DLG2: variants seen among roughly 807,000 people sequenced by gnomAD.
DLG2 encodes the protein disks large homolog 2.
A neutral mutation model predicts 132.5 loss-of-function variants in DLG2; 45 were observed. That is an observed-to-expected ratio of 0.34 (90% CI 0.27 to 0.44). The LOEUF (loss-of-function observed/expected upper bound fraction) is 0.44. Among genes scored for constraint, DLG2 ranks in the 20% least tolerant of loss-of-function variants. The pLI, the probability that DLG2 is intolerant of heterozygous loss-of-function variation, is 1.00. For synonymous variants in DLG2, 424 were observed against 419.6 expected (o/e 1.01, Z -0.13); for missense variants, 1,045 against 1,196.9 (o/e 0.87, Z 1.87).
intron 4 of DLG2, among the ~76,000 whole-genome samples, chr11:85,246,553 C>A (rs1000189798): frequency 2.2e-4 from 33 of 151,172 alleles, no homozygotes; most frequent in Non-Finnish European, 3.7e-4. Context: ...TCACCCCCTC[C>A]CTCCAGCCAC....
chr11:83,866,071 TCCC>T (rs34996514), intron 16 of DLG2, among the ~76,000 whole-genome samples: 1 of 151,664 alleles, frequency 6.6e-6, no homozygotes, highest in Admixed American at 6.6e-5. Flanking sequence ...AGCATCACAG[TCCC>T]CCCTTTTTTT....
At chr11:84,357,019 G>A (rs1355008032) in intron 7 of DLG2, among the ~76,000 whole-genome samples, 1 of 152,004 alleles carries the variant, frequency 6.6e-6, no homozygotes, top group African/African-American at 2.4e-5. Flanking sequence ...AAATGAGTGA[G>A]CAAAGAATGT....
intron 3 of DLG2, chr11:85,510,104 G>T (rs1359612258): frequency 2.0e-5 from 3 of 147,180 alleles, no homozygotes; most frequent in African/African-American, 7.5e-5. Context: ...TAGGAAGAAA[G>T]CTACCCAGGA....
At chr11:85,502,255 C>T (rs777428284) in intron 3 of DLG2, among the ~76,000 whole-genome samples, 1 of 151,622 alleles carries the variant, frequency 6.6e-6, no homozygotes, top group Admixed American at 6.6e-5. Flanking sequence ...ACATCACACA[C>T]CAGGACCTGT....
intron 4 of DLG2, among the ~76,000 whole-genome samples, chr11:85,256,311 C>T (rs997920920): frequency 2.0e-5 from 3 of 152,134 alleles, no homozygotes; most frequent in Non-Finnish European, 4.4e-5. Flanking sequence ...CACTGGATGA[C>T]CAAACTCCAG....
intron 9 of DLG2, among the ~76,000 whole-genome samples, chr11:84,111,066 A>G (rs2093323723): frequency 6.6e-6 from 1 of 152,160 alleles, no homozygotes; most frequent in Admixed American, 6.6e-5. Flanking sequence ...ATTACTGCAC[A>G]CAGCACATTG....
At chr11:83,747,322 TC>T (rs2092991292) in intron 18 of DLG2, among the ~76,000 whole-genome samples, 1 of 109,794 alleles carries the variant, frequency 9.1e-6, no homozygotes, top group African/African-American at 3.1e-5. Flanking sequence ...CTTCCTTCCT[TC>T]CTTCCTGCCT....
intron 3 of DLG2, among the ~76,000 whole-genome samples, chr11:85,475,353 T>A (rs923153799): frequency 3.3e-5 from 5 of 151,760 alleles, no homozygotes; most frequent in African/African-American, 1.2e-4. Context: ...AGAAAAAAAA[T>A]TAAATTCTAA....
chr11:84,604,270 A>T (rs2099581592), intron 6 of DLG2, among the ~76,000 whole-genome samples: 1 of 151,930 alleles, frequency 6.6e-6, no homozygotes, highest in Non-Finnish European at 1.5e-5. Flanking sequence ...ATTTTCCAGA[A>T]GTAAGAATAA....
At chr11:84,563,563 G>T (rs1375710113) in intron 6 of DLG2, among the ~76,000 whole-genome samples, 1 of 152,154 alleles carries the variant, frequency 6.6e-6, no homozygotes, top group Non-Finnish European at 1.5e-5. Context: ...CAGAGCACAG[G>T]GCAAAATGGC....
At chr11:84,949,190 C>A (rs1033411760) in intron 6 of DLG2, among the ~76,000 whole-genome samples, 9 of 152,064 alleles carry the variant, frequency 5.9e-5, no homozygotes, top group Admixed American at 4.6e-4. Flanking sequence ...CCACAAGCCA[C>A]AAAAACCAGC....
At chr11:85,078,530 A>C (rs1007133692) in intron 6 of DLG2, among the ~76,000 whole-genome samples, 40 of 152,008 alleles carry the variant, frequency 2.6e-4, no homozygotes, top group African/African-American at 8.2e-4. Context: ...GTAGGCAACA[A>C]TAAAGACTTC....
At chr11:84,055,047 A>G (rs1429145754) in intron 11 of DLG2, among the ~76,000 whole-genome samples, 4 of 152,094 alleles carry the variant, frequency 2.6e-5, no homozygotes, top group Admixed American at 2.6e-4. Flanking sequence ...TTCACAAAAT[A>G]TAGTGAAAAA....
intron 6 of DLG2, among the ~76,000 whole-genome samples, chr11:85,102,350 C>A (rs890340534): frequency 6.6e-6 from 1 of 151,902 alleles, no homozygotes; most frequent in African/African-American, 2.4e-5. Flanking sequence ...AATATAAAGT[C>A]TGTGAAAGTA....
intron 10 of DLG2, among the ~76,000 whole-genome samples, chr11:84,076,584 A>G (rs1268847798): frequency 6.6e-6 from 1 of 152,186 alleles, no homozygotes; most frequent in Non-Finnish European, 1.5e-5. Context: ...CTTCCCACTT[A>G]TAACTCCTAT....
intron 3 of DLG2, among the ~76,000 whole-genome samples, chr11:85,594,129 T>C (rs1343722253): frequency 2.6e-5 from 4 of 152,198 alleles, no homozygotes; most frequent in Non-Finnish European, 4.4e-5. Flanking sequence ...AAATGCTTTT[T>C]AGTAATATGA....
In DLG2 at chr11:85,138,954, C is replaced by T. The variant is rs548734235; in HGVS notation, c.282+15602G>A. On this transcript the variant is annotated intron_variant, in intron 5 of 27. Transcript: ENST00000376104. ...ATATAGTGTTTCACTCTAATTCTTCCTCCGGGCCTTGAATTTGTTGTTTCT... is the reference window on the plus strand; with the variant it reads ...ATATAGTGTTTCACTCTAATTCTTCTTCCGGGCCTTGAATTTGTTGTTTCT... 2.0e-5 allele frequency among the ~76,000 whole-genome samples: 3 copies of T among 152,136 alleles called. No homozygotes were observed. The South Asian group carries it at 6.2e-4, about 31-fold the overall frequency.
chr11:84,199,358 G>GT (rs1566906003), intron 8 of DLG2, among the ~76,000 whole-genome samples: 1 of 152,120 alleles, frequency 6.6e-6, no homozygotes, highest in Non-Finnish European at 1.5e-5. Flanking sequence ...GTTACCAAAT[G>GT]TAGGGCAGAG....
chr11:84,872,996 G>C (rs1449848877), intron 6 of DLG2, among the ~76,000 whole-genome samples: 1 of 152,176 alleles, frequency 6.6e-6, no homozygotes, highest in Non-Finnish European at 1.5e-5. Context: ...ATATGGAATT[G>C]TTACATCTAT....
Sources: allele counts gnomAD v4.1 joint callset (sites outside exome capture counted in the v4.1 genomes callset), GRCh38; gene constraint gnomAD v4.1.1; transcripts MANE v1.5; gene names NCBI Gene and HGNC (gene_info 2026-07-23, HGNC 2026-07-21).